ZFHX3: variants seen among roughly 807,000 people sequenced by gnomAD.
The protein encoded by ZFHX3 is zinc finger homeobox protein 3.
A neutral mutation model predicts 279.1 loss-of-function variants in ZFHX3; 42 were observed. The ratio of observed to expected loss-of-function variants is 0.15; its 90% CI spans 0.12 to 0.19. ZFHX3 has a LOEUF of 0.19. Among genes scored for constraint, ZFHX3 ranks in the 10% least tolerant of loss-of-function variants. The probability of loss-of-function intolerance (pLI) is 1.00; values close to 1 mark genes in which losing one functional copy is unlikely to be tolerated. For synonymous variants in ZFHX3, 2,293 were observed against 1,957.8 expected (o/e 1.17, Z -4.52); for missense variants, 4,981 against 4,754.0 (o/e 1.05, Z -1.40).
At chr16:73,661,787 C>G (rs1398010871) in intron 2 of ZFHX3, among the ~76,000 whole-genome samples, 3 of 149,812 alleles carry the variant, frequency 2.0e-5, no homozygotes. Context: ...AATAATTTCT[C>G]TTATCTAAAA....
At chr16:72,788,985 A>C (rs908243157) in intron 9 of ZFHX3, 137 bp from the exon 10 acceptor site, 1 of 1,309,916 alleles carries the variant, frequency 7.6e-7, no homozygotes, top group East Asian at 2.5e-5. Flanking sequence ...GAACATTTCC[A>C]ACAGAAGTAT....
chr16:72,932,335 C>T (rs1788856955), intron 3 of ZFHX3, among the ~76,000 whole-genome samples: 1 of 152,120 alleles, frequency 6.6e-6, no homozygotes, highest in East Asian at 1.9e-4. Flanking sequence ...TTAGGTACTT[C>T]TCAGGGAAGG....
In ZFHX3 at chr16:73,796,945, T is replaced by C. The variant is rs1411411762; in HGVS notation, c.-1608+94706A>G. Among the ~76,000 whole-genome samples the C allele has an allele frequency of 2.6e-5, 4 of 152,258 alleles. No homozygotes were observed. The South Asian group carries it at 8.3e-4, about 32-fold the overall frequency. On this transcript the variant is annotated intron_variant, in intron 1 of 17. Transcript: ENST00000641206. ...GGCTGAGTGCAGTGGCTCACGCCTG[T>C]AATCCCAGCACTTTGGGAGGCCAAG... is the stretch of plus-strand genomic sequence containing the variant.
intron 1 of ZFHX3, among the ~76,000 whole-genome samples, chr16:73,771,143 T>C (rs140605370): frequency 2.9e-4 from 44 of 152,268 alleles, no homozygotes; most frequent in African/African-American, 7.7e-4. Context: ...ATGCAGGAGA[T>C]GATCAATTCA....
In ZFHX3 at chr16:73,398,653, C is replaced by A. The variant is rs575276346; in HGVS notation, c.-1291+57350G>T. On this transcript the variant is annotated intron_variant, in intron 3 of 17. Coordinates refer to the ZFHX3 transcript ENST00000641206. The stretch of plus-strand genomic sequence containing the variant: ...TCTGTAAGCACACCACTGGTCCCCA[C>A]ATAATTTGTGTCCAGACTTATCAGA... Among the ~76,000 whole-genome samples, 333 of 152,330 alleles carry A rather than the reference C, an allele frequency of 2.2e-3. 3 individuals carry two copies. The highest frequency in any genetic ancestry group is 6.2e-3 in the South Asian group (30 of 4,834).
chr16:73,032,708 C>G (rs1331713703), intron 1 of ZFHX3, among the ~76,000 whole-genome samples: 1 of 151,796 alleles, frequency 6.6e-6, no homozygotes, highest in African/African-American at 2.4e-5. Flanking sequence ...GTAGAGACAT[C>G]CCAGAGTCCA....
intron 1 of ZFHX3, among the ~76,000 whole-genome samples, chr16:73,743,658 C>T (rs367823): frequency 0.71 from 108,328 of 151,748 alleles, 39,302 homozygotes; most frequent in East Asian, 0.95. Flanking sequence ...GTAACTCCTA[C>T]ATATATATAT....
At chr16:73,816,065 G>C (rs556696603) in intron 1 of ZFHX3, 67 of 152,282 alleles carry the variant, frequency 4.4e-4, no homozygotes, top group African/African-American at 1.5e-3. Context: ...TTGGACAGGA[G>C]AGACCTGGAA....
Position 73,328,495 on chromosome 16 carries a change from C to T in ZFHX3, c.-1290-10159G>A, listed in dbSNP as rs900105770. Among the ~76,000 whole-genome samples, 8 of 152,204 alleles carry T rather than the reference C, an allele frequency of 5.3e-5. No homozygotes were observed. The East Asian group carries it at 5.8e-4, about 11-fold the overall frequency. The stretch of plus-strand genomic sequence containing the variant: ...ATCTTCATGACATTTTAATGAGGCA[C>T]GTTTAATTCTTATCCCTGTTTTAAA... On this transcript the variant is annotated intron_variant, in intron 3 of 17. Coordinates refer to the ZFHX3 transcript ENST00000641206.
At chr16:73,522,056 A>G (rs749118410) in intron 2 of ZFHX3, among the ~76,000 whole-genome samples, 1 of 152,234 alleles carries the variant, frequency 6.6e-6, no homozygotes, top group Non-Finnish European at 1.5e-5. Context: ...TGTCAGTTAT[A>G]TATGCCTTTA....
In ZFHX3 at chr16:72,787,442, C is replaced by T. The variant is rs200494604; in HGVS notation, c.10834G>A (p.Ala3612Thr). Residue 3612 changes from alanine (A) to threonine (T), a missense_variant, in exon 10 of 10, where the codon GCC becomes ACC. Around this residue, in one of 7 missense-constraint regions of ZFHX3, gnomAD observed 1,034 missense variants for 786.0 expected, o/e 1.32. Transcript: ENST00000268489. ...ACTTGCGGCCAAGACTTCCTGGAGG[C>T]GTGGGGGGAAGCGGAGGAGGGGGCG... ...AAAPSSASPH[A>T]SRKSWPQVVS... is the part of the protein sequence containing the mutation. 70 of 1,104,666 alleles carry T rather than the reference C, an allele frequency of 6.3e-5. No homozygotes were observed. Among genetic ancestry groups the T allele is most frequent in the Non-Finnish European group, 7.6e-5 (67 of 886,924 alleles). 68.4% of individuals were successfully genotyped at this position (1,104,666 alleles called of 1,614,324 possible).
intron 1 of ZFHX3, among the ~76,000 whole-genome samples, chr16:73,728,015 G>GCCCCCCCCCCCCCCCCC (rs3049673): frequency 2.6e-5 from 2 of 75,484 alleles, no homozygotes; most frequent in Non-Finnish European, 5.2e-5. Context: ...GCCGAATTGT[G>GCCCCCCCCCCCCCCCCC]CCCCCCCCCC....
intron 7 of ZFHX3, among the ~76,000 whole-genome samples, chr16:73,118,282 C>T (rs552882392): frequency 1.2e-4 from 18 of 152,184 alleles, no homozygotes; most frequent in Non-Finnish European, 1.6e-4. Flanking sequence ...AATTTCGGCT[C>T]GCTGCAACCT....
chr16:73,346,313 G>A (rs1259654565), intron 3 of ZFHX3, among the ~76,000 whole-genome samples: 1 of 152,076 alleles, frequency 6.6e-6, no homozygotes, highest in African/African-American at 2.4e-5. Flanking sequence ...GGAACACTCT[G>A]GGCTCTCCCA....
At chr16:72,917,943 C>A (rs1389756712) in intron 3 of ZFHX3, among the ~76,000 whole-genome samples, 1 of 152,164 alleles carries the variant, frequency 6.6e-6, no homozygotes, top group Non-Finnish European at 1.5e-5. Context: ...AGCCAGCTAG[C>A]CCACTGAGTC....
chr16:73,668,616 C>A (rs138145127), intron 2 of ZFHX3, among the ~76,000 whole-genome samples: 1,766 of 151,338 alleles, frequency 0.012, 17 homozygotes, highest in South Asian at 0.023. Flanking sequence ...TCATCCATGT[C>A]CCTCCAAAGG....
intron 3 of ZFHX3, among the ~76,000 whole-genome samples, chr16:72,908,023 C>T (rs928786004): frequency 2.6e-5 from 4 of 152,258 alleles, no homozygotes; most frequent in African/African-American, 4.8e-5. Context: ...AAGCATCTCA[C>T]CTCCCGCCCT....
chr16:73,038,273 C>G (rs1964985330), intron 1 of ZFHX3, among the ~76,000 whole-genome samples: 1 of 152,218 alleles, frequency 6.6e-6, no homozygotes, highest in African/African-American at 2.4e-5. Flanking sequence ...GTCTAGAGGG[C>G]TTCCCCACTG....
chr16:73,599,329 C>A (rs1215264222), intron 2 of ZFHX3, among the ~76,000 whole-genome samples: 1 of 152,200 alleles, frequency 6.6e-6, no homozygotes, highest in Non-Finnish European at 1.5e-5. Flanking sequence ...GATGCAAAGT[C>A]TTATTACAAT....
Sources: gnomAD v4.1 joint callset for allele counts (sites outside exome capture counted in the v4.1 genomes callset) on GRCh38, gnomAD v4.1.1 for gene constraint, gnomAD v4.1.1 regional missense constraint, MANE v1.5 for transcripts, NCBI Gene and HGNC (gene_info 2026-07-23, HGNC 2026-07-21) for gene names.